The following DLST variants were observed in gnomAD, a reference collection of about 807,000 sequenced individuals.
The protein encoded by DLST is dihydrolipoyllysine-residue succinyltransferase component of 2-oxoglutarate dehydrogenase complex, mitochondrial.
In DLST, 17 loss-of-function variants were observed where a neutral mutation model predicts 53.1. That is an observed-to-expected ratio of 0.32 (90% CI 0.22 to 0.48). The LOEUF (loss-of-function observed/expected upper bound fraction) is 0.48. Among genes scored for constraint, DLST ranks in the 20% least tolerant of loss-of-function variants. DLST has a pLI of 0.99. For missense variants in DLST, 512 were observed against 583.9 expected (o/e 0.88, Z 1.27); for synonymous variants, 206 against 204.8 (o/e 1.01, Z -0.05).
intron 3 of DLST, among the ~76,000 whole-genome samples, chr14:74,888,164 T>C (rs1418054738): frequency 6.6e-6 from 1 of 152,220 alleles, no homozygotes; most frequent in Non-Finnish European, 1.5e-5. Context: ...CGCCTTGGTC[T>C]TTGAGGTTCG....
rs1224504403 is a variant in DLST at position 74,887,764 on chromosome 14, A to G, written c.147-1331A>G. On this transcript the variant is annotated intron_variant, in intron 3 of 14. Coordinates refer to ENST00000334220, the MANE Select transcript of DLST (RefSeq NM_001933.5). ...TACCTGTTAGTTCTTGCCTATAGGCATGTACTTTACAAGGTTACAAACTAT... is the reference window on the plus strand; with the variant it reads ...TACCTGTTAGTTCTTGCCTATAGGCGTGTACTTTACAAGGTTACAAACTAT... 2.6e-5 allele frequency among the ~76,000 whole-genome samples: 4 copies of G among 152,244 alleles called. No individual in the cohort carries two copies. The South Asian group carries it at 6.2e-4, about 24-fold the overall frequency.
At chr14:74,900,631 G>T (rs2140203615) in intron 13 of DLST, among the ~76,000 whole-genome samples, 1 of 152,334 alleles carries the variant, frequency 6.6e-6, no homozygotes, top group Non-Finnish European at 1.5e-5. Context: ...CTTTTCTCTG[G>T]TGGAGCACTG....
intron 3 of DLST, 121 bp from the exon 4 acceptor site, chr14:74,888,974 C>A (rs775844914): frequency 5.8e-5 from 57 of 989,026 alleles, no homozygotes; most frequent in Non-Finnish European, 8.5e-5. Context: ...CCAAGTGACA[C>A]TGATGGACAC....
chr14:74,889,106 G>A lies in DLST; in HGVS notation c.158G>A (p.Ser53Asn), dbSNP rs1357228881. 1 of 1,614,142 alleles carries A rather than the reference G, an allele frequency of 6.2e-7. No homozygotes were observed. The highest frequency in any genetic ancestry group is 8.5e-7 in the Non-Finnish European group (1 of 1,180,020). Residue 53 changes from serine (S) to asparagine (N), a missense_variant, in exon 4 of 15, where the codon AGT becomes AAT. This residue lies in a region of DLST where 129 missense variants were observed against 90.9 expected (regional missense o/e 1.42). Coordinates refer to ENST00000334220, the MANE Select transcript of DLST (RefSeq NM_001933.5). The part of the protein sequence containing the change: ...PNSRKVVINN[S>N]VFSVRFFRTT... ...TGTTTCTTTTGTAGCATTAACAACA[G>A]TGTCTTCAGTGTTCGCTTTTTCAGA...
intron 14 of DLST, among the ~76,000 whole-genome samples, chr14:74,901,540 G>A (rs1884245892): frequency 1.3e-5 from 2 of 152,334 alleles, no homozygotes; most frequent in South Asian, 2.1e-4. Context: ...GGGGGATATA[G>A]TTGGAAACGT....
intron 10 of DLST, among the ~76,000 whole-genome samples, chr14:74,894,702 C>T (rs1340592682): frequency 6.6e-6 from 1 of 152,058 alleles, no homozygotes; most frequent in Non-Finnish European, 1.5e-5. Flanking sequence ...CCCCCCACCA[C>T]GCCTGGCTAA....
At chr14:74,894,211 T>C in intron 9 of DLST, 101 bp from the exon 10 acceptor site, 2 of 1,397,208 alleles carry the variant, frequency 1.4e-6, no homozygotes, top group Admixed American at 3.8e-5. Context: ...CTGTAGTCCT[T>C]GGCCATCTAC....
intron 2 of DLST, among the ~76,000 whole-genome samples, chr14:74,885,246 A>T (rs1453857154): frequency 6.6e-6 from 1 of 152,230 alleles, no homozygotes; most frequent in African/African-American, 2.4e-5. Flanking sequence ...AGACTTGGCG[A>T]GTAGAGACAT....
chr14:74,895,418 GT>G (rs1354259832), intron 10 of DLST, among the ~76,000 whole-genome samples: 3 of 152,204 alleles, frequency 2.0e-5, no homozygotes, highest in Non-Finnish European at 2.9e-5. Flanking sequence ...TGACAAACGT[GT>G]TTTGAGTGCG....
chr14:74,893,079 C>T, intron 8 of DLST, 93 bp downstream of exon 8: 2 of 1,441,096 alleles, frequency 1.4e-6, no homozygotes, highest in Non-Finnish European at 1.9e-6. Context: ...TGGTTCTGAA[C>T]AGGCCAGGTT....
At chr14:74,882,133 A>T in intron 1 of DLST, 117 bp downstream of exon 1, 1 of 945,466 alleles carries the variant, frequency 1.1e-6, no homozygotes, top group South Asian at 3.9e-5. Context: ...GGGCACTGGG[A>T]CGCGGAGGCC....
chr14:74,901,166 A>G lies in DLST; in HGVS notation c.1160A>G (p.Asn387Ser). The change falls in exon 14 of 15, where the codon AAC becomes AGC. Residue 387 changes from asparagine (N) to serine (S), a missense_variant. Transcript: ENST00000334220. ...FGSLFGTPIINPPQSAILGMH... is the reference protein window; with the variant it reads ...FGSLFGTPIISPPQSAILGMH... ...TCGCTCTTTGGAACACCCATTATCAACCCCCCTCAGTCTGCCATCCTGGGG... is the reference window on the plus strand; with the variant it reads ...TCGCTCTTTGGAACACCCATTATCAGCCCCCCTCAGTCTGCCATCCTGGGG... The G allele has an allele frequency of 3.7e-6, 6 of 1,613,800 alleles. No individual in the cohort carries two copies. The highest frequency in any genetic ancestry group is 1.1e-5 in the South Asian group (1 of 91,046).
intron 2 of DLST, among the ~76,000 whole-genome samples, chr14:74,883,337 G>T (rs1162573318): frequency 6.6e-6 from 1 of 151,462 alleles, no homozygotes; most frequent in Admixed American, 6.6e-5. Flanking sequence ...AGAATGTGAC[G>T]GAGCTAACCC....
rs755548003 is a variant in DLST at position 74,891,184 on chromosome 14, G to C, written c.442+17G>C. On this transcript the variant is annotated intron_variant, in intron 7 of 14. Transcript: ENST00000334220. ...AAACTGGTGGTAAAGAAGTTCTCCT[G>C]GTGGTCAAGGTCTCCAGTGTTCCCT... The C allele has an allele frequency of 6.2e-7, 1 of 1,613,932 alleles. No individual in the cohort carries two copies.
At chr14:74,889,993 C>T (rs368169591) in intron 6 of DLST, 41 bp downstream of exon 6, 10 of 1,586,210 alleles carry the variant, frequency 6.3e-6, no homozygotes, top group Non-Finnish European at 6.0e-6. Context: ...TCATGGGCTT[C>T]CCTTAGTTAA....
chr14:74,889,398 C>A lies in DLST; in HGVS notation c.274+49C>A, dbSNP rs746231737. 6 of 1,435,706 alleles carry A rather than the reference C, an allele frequency of 4.2e-6. No individual in the cohort carries two copies. In the South Asian group the frequency reaches 7.5e-5, roughly 18 times the overall value. The allele number at this position is 1,435,706 out of a possible 1,614,324, so 88.9% of individuals were successfully genotyped here. A position where few individuals can be genotyped will look rare whatever the true frequency, so the allele number is the denominator to read the frequency against. On this transcript the variant is annotated intron_variant, in intron 5 of 14. Coordinates refer to ENST00000334220, the MANE Select transcript of DLST (RefSeq NM_001933.5). ...TTTTTTTTTTTTTTTGAGACAGAGTCTTGCTCTGTTCCCAGCCTGGAGTGC... is the reference window on the plus strand; with the variant it reads ...TTTTTTTTTTTTTTTGAGACAGAGTATTGCTCTGTTCCCAGCCTGGAGTGC...
intron 10 of DLST, among the ~76,000 whole-genome samples, chr14:74,897,932 G>T (rs1435839299): frequency 1.4e-5 from 2 of 147,160 alleles, no homozygotes; most frequent in African/African-American, 5.2e-5. Context: ...ACTCAGATTT[G>T]GTGGGGTTTT....
intron 1 of DLST, 145 bp downstream of exon 1, chr14:74,882,161 C>T (rs1883541814): frequency 1.4e-6 from 1 of 694,854 alleles, no homozygotes; most frequent in Non-Finnish European, 2.0e-6. Flanking sequence ...CTGGGCGGCC[C>T]GGGGCCGTGG....
intron 13 of DLST, 110 bp from the exon 14 acceptor site, chr14:74,900,956 C>A: frequency 8.0e-7 from 1 of 1,253,446 alleles, no homozygotes; most frequent in South Asian, 1.4e-5. Flanking sequence ...GAACTCCTGG[C>A]CTCAAGCAGT....
Sources: gnomAD v4.1 joint callset for allele counts (sites outside exome capture counted in the v4.1 genomes callset) on GRCh38, gnomAD v4.1.1 for gene constraint, gnomAD v4.1.1 regional missense constraint, MANE v1.5 for transcripts, NCBI Gene and HGNC (gene_info 2026-07-23, HGNC 2026-07-21) for gene names.